Variants in FUT9 observed in about 807,000 individuals in gnomAD.
FUT9 encodes 4-galactosyl-N-acetylglucosaminide 3-alpha-L-fucosyltransferase 9.
Under a neutral mutation model 29.7 loss-of-function variants are expected in FUT9, and 15 were observed. The ratio of observed to expected loss-of-function variants is 0.51; its 90% CI spans 0.34 to 0.78. The LOEUF (loss-of-function observed/expected upper bound fraction) is 0.78. Ranked by LOEUF, FUT9 falls within the 30% of genes least tolerant of loss-of-function variation. The probability of loss-of-function intolerance (pLI) is 0.01; values close to 1 mark genes in which losing one functional copy is unlikely to be tolerated. For missense variants in FUT9, 319 were observed against 425.4 expected (o/e 0.75, Z 2.20); for synonymous variants, 169 against 153.7 (o/e 1.10, Z -0.74).
chr6:96,185,709 G>A (rs1009109955), intron 2 of FUT9, among the ~76,000 whole-genome samples: 1 of 152,064 alleles, frequency 6.6e-6, no homozygotes, highest in Admixed American at 6.6e-5. Context: ...ACTCTGGTGG[G>A]AGGGAAAAAA....
chr6:96,060,242 C>A (rs914779050), intron 1 of FUT9, among the ~76,000 whole-genome samples: 3 of 152,132 alleles, frequency 2.0e-5, no homozygotes, highest in East Asian at 1.9e-4. Context: ...CTCTTTAATT[C>A]AAAAAATATC....
At chr6:96,144,018 C>T (rs1344759607) in intron 2 of FUT9, among the ~76,000 whole-genome samples, 1 of 152,184 alleles carries the variant, frequency 6.6e-6, no homozygotes, top group East Asian at 1.9e-4. Context: ...AACTGTACCC[C>T]TTAATCCCTG....
chr6:96,057,484 A>T lies in FUT9; in HGVS notation c.-98+41272A>T, dbSNP rs140337982. Among the ~76,000 whole-genome samples the T allele has an allele frequency of 4.0e-3, 603 of 152,366 alleles. 4 individuals are homozygous for T. Among genetic ancestry groups the T allele is most frequent in the African/African-American group, 0.014 (575 of 41,586 alleles). On this transcript the variant is annotated intron_variant, in intron 1 of 2. Transcript: ENST00000302103. ...AAGAAATATAGAAACTGAATTGCTA[A>T]GGCACTTTTATTGCCACTCCTAAGA...
Position 96,204,598 on chromosome 6 carries a change from C to A in FUT9, c.*363C>A, listed in dbSNP as rs1389561424. The A allele has an allele frequency of 5.8e-6, 1 of 171,114 alleles. No homozygotes were observed. Among genetic ancestry groups the A allele is most frequent in the Non-Finnish European group, 1.4e-5 (1 of 71,068 alleles). The allele number at this position is 171,114 out of a possible 1,614,324, so 10.6% of individuals were successfully genotyped here. On this transcript the variant is annotated 3_prime_UTR_variant, in exon 3 of 3. Coordinates refer to ENST00000302103, the MANE Select transcript of FUT9 (RefSeq NM_006581.4). ...CTATTTGGGAAATGAAGATGCACAT[C>A]TTAAAGTATGAAAAATTTTCACTAA...
intron 1 of FUT9, among the ~76,000 whole-genome samples, chr6:96,103,615 G>A (rs1439898412): frequency 4.6e-5 from 7 of 152,018 alleles, no homozygotes; most frequent in Non-Finnish European, 8.8e-5. Flanking sequence ...AAGTTTCTTG[G>A]TTTGTGGCAG....
chr6:96,133,263 A>G (rs756145677), intron 2 of FUT9, among the ~76,000 whole-genome samples: 2 of 152,008 alleles, frequency 1.3e-5, no homozygotes, highest in Non-Finnish European at 2.9e-5. Context: ...AAAGGAAAAA[A>G]ATAGCCCTAG....
intron 1 of FUT9, among the ~76,000 whole-genome samples, chr6:96,042,630 T>C (rs759827943): frequency 6.6e-5 from 10 of 152,214 alleles, no homozygotes; most frequent in Admixed American, 2.6e-4. Context: ...TTATTTAATG[T>C]AGACTTGAAA....
intron 2 of FUT9, among the ~76,000 whole-genome samples, chr6:96,153,227 G>A (rs1333823867): frequency 6.6e-6 from 1 of 152,100 alleles, no homozygotes; most frequent in Non-Finnish European, 1.5e-5. Flanking sequence ...AACAACTTTT[G>A]AAGAGCATCA....
intron 1 of FUT9, among the ~76,000 whole-genome samples, chr6:96,108,048 C>T (rs575267183): frequency 6.0e-5 from 9 of 149,900 alleles, no homozygotes; most frequent in Middle Eastern, 3.4e-3. Flanking sequence ...TTTAAATCAT[C>T]TAGCTCAGAA....
intron 1 of FUT9, among the ~76,000 whole-genome samples, chr6:96,080,841 C>T (rs1391286472): frequency 6.6e-6 from 1 of 151,886 alleles, no homozygotes; most frequent in Non-Finnish European, 1.5e-5. Flanking sequence ...GTCTATTATA[C>T]ATCTCAAAAA....
intron 1 of FUT9, among the ~76,000 whole-genome samples, chr6:96,098,471 A>G (rs1282127761): frequency 6.6e-6 from 1 of 152,148 alleles, no homozygotes; most frequent in Non-Finnish European, 1.5e-5. Flanking sequence ...AGCTCCTTCT[A>G]TCATTCTATT....
intron 1 of FUT9, among the ~76,000 whole-genome samples, chr6:96,092,279 G>C (rs912031840): frequency 2.6e-5 from 4 of 152,026 alleles, no homozygotes; most frequent in African/African-American, 9.7e-5. Flanking sequence ...ACATAATACT[G>C]AGTGCACCAG....
At chr6:96,110,061 T>C (rs980529425) in intron 1 of FUT9, among the ~76,000 whole-genome samples, 3 of 152,202 alleles carry the variant, frequency 2.0e-5, no homozygotes, top group Non-Finnish European at 4.4e-5. Context: ...TGAGTCATTG[T>C]CTTCAACTCA....
chr6:96,114,573 C>T (rs894977690), intron 2 of FUT9, among the ~76,000 whole-genome samples: 12 of 150,790 alleles, frequency 8.0e-5, no homozygotes, highest in African/African-American at 2.9e-4. Flanking sequence ...GTAGATAATG[C>T]CTGTACCAAT....
intron 1 of FUT9, among the ~76,000 whole-genome samples, chr6:96,071,344 A>G (rs1012300192): frequency 5.9e-5 from 9 of 152,290 alleles, no homozygotes; most frequent in Admixed American, 5.2e-4. Context: ...GTTGTCTGGT[A>G]AGGGATAGTA....
intron 1 of FUT9, among the ~76,000 whole-genome samples, chr6:96,085,611 AG>A (rs143295093): frequency 0.069 from 10,511 of 152,234 alleles, 456 homozygotes; most frequent in South Asian, 0.12. Context: ...TAAACAAGCC[AG>A]GTTTGTCAAA....
chr6:96,017,842 A>C (rs1274235869), intron 1 of FUT9, among the ~76,000 whole-genome samples: 1 of 152,186 alleles, frequency 6.6e-6, no homozygotes, highest in Non-Finnish European at 1.5e-5. Context: ...TCATCACCTT[A>C]AAGGAGCAAG....
chr6:96,069,657 C>G (rs1176446003), intron 1 of FUT9, among the ~76,000 whole-genome samples: 2 of 150,124 alleles, frequency 1.3e-5, no homozygotes, highest in African/African-American at 2.5e-5. Flanking sequence ...GAGATGGAGT[C>G]TCAAGGCTCT....
At chr6:96,100,084 T>C (rs1771561117) in intron 1 of FUT9, among the ~76,000 whole-genome samples, 1 of 152,086 alleles carries the variant, frequency 6.6e-6, no homozygotes, top group Non-Finnish European at 1.5e-5. Context: ...GAAAATAACA[T>C]ACCCAAGGGA....
Sources: gnomAD v4.1 joint callset for allele counts (sites outside exome capture counted in the v4.1 genomes callset) on GRCh38, gnomAD v4.1.1 for gene constraint, MANE v1.5 for transcripts, NCBI Gene and HGNC (gene_info 2026-07-23, HGNC 2026-07-21) for gene names.